Variants in ANO4 observed in about 807,000 individuals in gnomAD.
ANO4 encodes anoctamin-4.
ANO4 carries 69 observed loss-of-function variants against 141.9 expected under a neutral mutation model. The observed-to-expected ratio is 0.49, with a 90% CI of 0.40 to 0.59. The LOEUF (loss-of-function observed/expected upper bound fraction) is 0.59, where lower values mean the gene tolerates loss of function less well. Among genes scored for constraint, ANO4 ranks in the 20% least tolerant of loss-of-function variants. ANO4 has a pLI of 0.00. For missense variants in ANO4, 894 were observed against 1,162.2 expected (o/e 0.77, Z 3.36); for synonymous variants, 350 against 394.3 (o/e 0.89, Z 1.33).
intron 18 of ANO4, among the ~76,000 whole-genome samples, chr12:101,095,152 T>A (rs2049930143): frequency 6.6e-6 from 1 of 152,164 alleles, no homozygotes; most frequent in African/African-American, 2.4e-5. Context: ...ACAAAAGTGT[T>A]CCTATTTTTA....
chr12:100,926,936 CAG>C (rs2041900120), intron 3 of ANO4, among the ~76,000 whole-genome samples: 1 of 152,092 alleles, frequency 6.6e-6, no homozygotes, highest in Non-Finnish European at 1.5e-5. Context: ...GTCAGTCACA[CAG>C]AGAGTTCCTG....
At chr12:100,985,605 C>T (rs2044674913) in intron 7 of ANO4, among the ~76,000 whole-genome samples, 1 of 152,140 alleles carries the variant, frequency 6.6e-6, no homozygotes, top group South Asian at 2.1e-4. Context: ...TGCTGCTTCT[C>T]TAAAGCCCAT....
chr12:101,028,362 T>C (rs2046830051), intron 9 of ANO4, among the ~76,000 whole-genome samples: 1 of 152,088 alleles, frequency 6.6e-6, no homozygotes, highest in East Asian at 1.9e-4. Flanking sequence ...CTTCAGAAGA[T>C]GGGTAACAAA....
intron 22 of ANO4, among the ~76,000 whole-genome samples, chr12:101,109,720 A>C (rs1209634347): frequency 6.6e-6 from 1 of 152,144 alleles, no homozygotes; most frequent in African/African-American, 2.4e-5. Flanking sequence ...TAATTTTAGC[A>C]TTCTTTGATA....
intron 2 of ANO4, among the ~76,000 whole-genome samples, chr12:100,906,246 G>A (rs2040840005): frequency 6.6e-6 from 1 of 152,122 alleles, no homozygotes; most frequent in African/African-American, 2.4e-5. Context: ...AGGGAGTGAT[G>A]ATAGTGATTC....
chr12:100,969,351 G>C (rs1211697105), intron 5 of ANO4, among the ~76,000 whole-genome samples: 1 of 152,152 alleles, frequency 6.6e-6, no homozygotes, highest in Admixed American at 6.5e-5. Flanking sequence ...TGAACTGCCA[G>C]AAAGTTAGAC....
chr12:100,789,749 GAA>G (rs1368646100), intron 3 of ANO4, among the ~76,000 whole-genome samples: 1 of 152,164 alleles, frequency 6.6e-6, no homozygotes, highest in Non-Finnish European at 1.5e-5. Flanking sequence ...TGAATTCCTG[GAA>G]AACAAGTTTG....
intron 1 of ANO4, among the ~76,000 whole-genome samples, chr12:100,829,941 A>T (rs2036551728): frequency 6.6e-6 from 1 of 152,052 alleles, no homozygotes; most frequent in African/African-American, 2.4e-5. Flanking sequence ...AAGAACCAGC[A>T]TTGTGGTGGA....
At chr12:100,757,975 G>T (rs1467410536) in intron 3 of ANO4, among the ~76,000 whole-genome samples, 1 of 152,142 alleles carries the variant, frequency 6.6e-6, no homozygotes, top group South Asian at 2.1e-4. Context: ...TTAATATAAA[G>T]AAATAAAATT....
At chr12:101,114,103 T>C (rs1414663630) in intron 24 of ANO4, among the ~76,000 whole-genome samples, 7 of 152,200 alleles carry the variant, frequency 4.6e-5, no homozygotes, top group Admixed American at 2.0e-4. Flanking sequence ...TGAGGGTATA[T>C]AGCATTCCTG....
chr12:100,731,665 C>T (rs1229071649), intron 1 of ANO4, among the ~76,000 whole-genome samples: 1 of 152,208 alleles, frequency 6.6e-6, no homozygotes, highest in Non-Finnish European at 1.5e-5. Context: ...TCCCTCCACT[C>T]TGACCCCTGG....
intron 1 of ANO4, among the ~76,000 whole-genome samples, chr12:100,843,395 T>A (rs2135819476): frequency 6.6e-6 from 1 of 152,296 alleles, no homozygotes; most frequent in South Asian, 2.1e-4. Flanking sequence ...TAAAAATATT[T>A]CTAATCTATA....
intron 22 of ANO4, among the ~76,000 whole-genome samples, chr12:101,106,443 C>T (rs1329997351): frequency 2.0e-5 from 3 of 151,646 alleles, no homozygotes; most frequent in Non-Finnish European, 4.4e-5. Context: ...TCAAAATTAT[C>T]ATGTGATATG....
At chr12:100,813,365 G>GTA (rs1014852698) in intron 1 of ANO4, among the ~76,000 whole-genome samples, 1 of 152,168 alleles carries the variant, frequency 6.6e-6, no homozygotes, top group African/African-American at 2.4e-5. Flanking sequence ...ACTTAGCAAA[G>GTA]TACAGAAGGT....
chr12:101,040,292 G>T (rs954978524), intron 11 of ANO4, among the ~76,000 whole-genome samples: 12 of 152,210 alleles, frequency 7.9e-5, no homozygotes, highest in Non-Finnish European at 1.6e-4. Flanking sequence ...CCCAAAAAGA[G>T]TCTTAGAGAG....
At chr12:100,752,658 A>G (rs958869785) in intron 3 of ANO4, among the ~76,000 whole-genome samples, 116 of 152,076 alleles carry the variant, frequency 7.6e-4, no homozygotes, top group African/African-American at 2.7e-3. Flanking sequence ...TCTCTTTGAG[A>G]CTGATTATTA....
At chr12:100,799,743 A>T (rs2034566865) in intron 1 of ANO4, among the ~76,000 whole-genome samples, 3 of 152,200 alleles carry the variant, frequency 2.0e-5, no homozygotes, top group African/African-American at 7.2e-5. Flanking sequence ...CCGTCTCAAA[A>T]AAAACCAAAA....
intron 8 of ANO4, among the ~76,000 whole-genome samples, chr12:101,018,630 A>G (rs78054553): frequency 0.041 from 6,249 of 152,226 alleles, 215 homozygotes; most frequent in East Asian, 0.11. Flanking sequence ...ATTTCCTTGA[A>G]GAAAAACATT....
intron 3 of ANO4, chr12:100,740,146 G>C: frequency 1.4e-6 from 1 of 693,252 alleles, no homozygotes; most frequent in Non-Finnish European, 2.6e-6. Context: ...GACTGGGTGT[G>C]TATAAGATTC....
Sources: gnomAD v4.1 joint callset for allele counts (sites outside exome capture counted in the v4.1 genomes callset) on GRCh38, gnomAD v4.1.1 for gene constraint, MANE v1.5 for transcripts, NCBI Gene and HGNC (gene_info 2026-07-23, HGNC 2026-07-21) for gene names.